SORT1: variants seen among roughly 807,000 people sequenced by gnomAD.
The protein encoded by SORT1 is sortilin 1.
Under a neutral mutation model 101.7 loss-of-function variants are expected in SORT1, and 39 were observed. The observed-to-expected ratio is 0.38, with a 90% confidence interval of 0.30 to 0.50. The LOEUF is 0.50. Among genes scored for constraint, SORT1 ranks in the 20% least tolerant of loss-of-function variants. The pLI is 0.90. For synonymous variants in SORT1, 396 were observed against 393.7 expected (o/e 1.01, Z -0.07); for missense variants, 878 against 1,040.4 (o/e 0.84, Z 2.15).
chr1:109,372,913 A>G (rs75525430), intron 1 of SORT1, among the ~76,000 whole-genome samples: 1 of 150,922 alleles, frequency 6.6e-6, no homozygotes, highest in Non-Finnish European at 1.5e-5. Context: ...AAAAAAAAAA[A>G]AGATACAAAA....
At chr1:109,372,383 G>A (rs565198505) in intron 1 of SORT1, among the ~76,000 whole-genome samples, 1 of 152,294 alleles carries the variant, frequency 6.6e-6, no homozygotes, top group Admixed American at 6.5e-5. Flanking sequence ...ACAGCATAGT[G>A]CACAGTGGGC....
chr1:109,387,038 C>A (rs543352359), intron 1 of SORT1, among the ~76,000 whole-genome samples: 46 of 152,304 alleles, frequency 3.0e-4, no homozygotes, highest in African/African-American at 1.1e-3. Context: ...TGCCTGTAAT[C>A]CCAGCACTTT....
At chr1:109,345,684 A>G (rs1166041498) in intron 8 of SORT1, 67 bp downstream of exon 8, 18 of 1,430,100 alleles carry the variant, frequency 1.3e-5, no homozygotes, top group Non-Finnish European at 1.6e-5. Context: ...GCCAAGTAAT[A>G]AAGAGAATCT....
At chr1:109,346,744 CA>C (rs1035471524) in intron 7 of SORT1, among the ~76,000 whole-genome samples, 212 of 46,778 alleles carry the variant, frequency 4.5e-3, no homozygotes, top group East Asian at 6.5e-3. Context: ...GACTCCGTCT[CA>C]AAAAAAAAAA....
chr1:109,338,203 C>A (rs536116580), intron 10 of SORT1, among the ~76,000 whole-genome samples: 1 of 152,058 alleles, frequency 6.6e-6, no homozygotes, highest in African/African-American at 2.4e-5. Context: ...ATCAGCCTTG[C>A]GGACATCTGG....
chr1:109,314,213 T>C (rs779284650), intron 19 of SORT1, 48 bp downstream of exon 19: 2 of 1,006,542 alleles, frequency 2.0e-6, no homozygotes, highest in Non-Finnish European at 2.9e-6. Flanking sequence ...TATTTTCTTG[T>C]ATTTTTTGGG....
At chr1:109,346,130 T>C (rs1169393238) in intron 7 of SORT1, among the ~76,000 whole-genome samples, 3 of 151,532 alleles carry the variant, frequency 2.0e-5, no homozygotes, top group African/African-American at 7.3e-5. Context: ...GCTAACACCA[T>C]GAAACCCCAT....
chr1:109,347,593 C>T, intron 6 of SORT1, 61 bp from the exon 7 acceptor site: 1 of 1,205,978 alleles, frequency 8.3e-7, no homozygotes, highest in East Asian at 2.3e-5. Flanking sequence ...ACTGTGTTGA[C>T]CTTACTCACA....
At chr1:109,341,013 A>G (rs1570922818) in intron 9 of SORT1, 134 bp from the exon 10 acceptor site, 1 of 653,818 alleles carries the variant, frequency 1.5e-6, no homozygotes, top group Non-Finnish European at 2.6e-6. Context: ...GAAGACTCAG[A>G]CCTGAGAATT....
Position 109,397,781 on chromosome 1 carries a change from C to A in SORT1, c.112G>T (p.Asp38Tyr). ...GGCGCAGCGGGCGGCGGCGGCGCGT[C>A]CAGCCGGTCCTGGCTGAGGGTCGAC... ...PPSTLSQDRL[D>Y]APPPPAAPLP... is the part of the protein sequence containing the mutation. Residue 38 changes from aspartate to tyrosine, a missense_variant, in exon 1 of 20, where the codon GAC becomes TAC. By Grantham distance (160) the Asp-to-Tyr change is radical (BLOSUM62 -3). Transcript: ENST00000256637. 8.1e-7 allele frequency: 1 copy of A among 1,228,748 alleles called. No homozygotes were observed. The highest frequency in any genetic ancestry group is 1.0e-6 in the Non-Finnish European group (1 of 981,434). 76.1% of individuals were successfully genotyped at this position (1,228,748 alleles called of 1,614,324 possible). A position where few individuals can be genotyped will look rare whatever the true frequency, so the allele number is the denominator to read the frequency against.
intron 1 of SORT1, among the ~76,000 whole-genome samples, chr1:109,390,564 C>T (rs928527352): frequency 6.6e-6 from 1 of 152,006 alleles, no homozygotes; most frequent in South Asian, 2.1e-4. Context: ...ATTTTGTATA[C>T]AACATATTTA....
In SORT1 at chr1:109,340,800, A is replaced by G; in HGVS notation, c.1188T>C (p.Thr396=). The change falls in exon 10 of 20, where the codon ACT becomes ACC. Residue 396 remains threonine (T), a synonymous_variant. Coordinates refer to ENST00000256637, the MANE Select transcript of SORT1 (RefSeq NM_002959.7). The part of the protein sequence containing the change: ...YSKSLDRHLY[T]TTGGETDFTN... ...TAAAGTCCGTCTCTCCGCCTGTGGT[A>G]GTGTAGAGATGTCGGTCCAAAGACT... The G allele has an allele frequency of 6.2e-7, 1 of 1,613,992 alleles. No individual in the cohort carries two copies. The highest frequency in any genetic ancestry group is 1.3e-5 in the African/African-American group (1 of 75,040).
rs528977209 is a variant in SORT1 at position 109,394,634 on chromosome 1, T to C, written c.306+2953A>G. Among the ~76,000 whole-genome samples, 18 of 152,350 alleles carry C rather than the reference T, an allele frequency of 1.2e-4. No homozygotes were observed. In the South Asian group the frequency reaches 3.7e-3, roughly 32 times the overall value. On this transcript the variant is annotated intron_variant, in intron 1 of 19. Transcript: ENST00000256637. ...TCATAAGCCACAGACACAGGTCTAGTAGTTTGCTATAACCTTCTGAGGCTT... is the reference window on the plus strand; with the variant it reads ...TCATAAGCCACAGACACAGGTCTAGCAGTTTGCTATAACCTTCTGAGGCTT...
chr1:109,369,541 C>T lies in SORT1; in HGVS notation c.355G>A (p.Asp119Asn). 2 of 1,605,410 alleles carry T rather than the reference C, an allele frequency of 1.2e-6. No individual in the cohort carries two copies. Among genetic ancestry groups the T allele is most frequent in the South Asian group, 1.1e-5 (1 of 90,880 alleles). The change falls in exon 2 of 20, where the codon GAT (aspartate) becomes AAT (asparagine). Residue 119 changes from aspartate to asparagine, a missense_variant. Transcript: ENST00000256637. ...AAAATATGACTTACCCCAGTGCTAT[C>T]TCCAACCCAGGACAAGGATACTGAG... is the stretch of plus-strand genomic sequence containing the variant. ...RGSVSLSWVG[D>N]STGVILVLTT...
chr1:109,347,127 T>C (rs1649659515), intron 7 of SORT1, among the ~76,000 whole-genome samples: 1 of 152,262 alleles, frequency 6.6e-6, no homozygotes, highest in African/African-American at 2.4e-5. Flanking sequence ...GTTTTGAAGT[T>C]GTGTCAGAGT....
intron 3 of SORT1, among the ~76,000 whole-genome samples, 165 bp from the exon 4 acceptor site, chr1:109,355,634 A>C (rs2101605774): frequency 1.2e-5 from 1 of 80,192 alleles, no homozygotes; most frequent in East Asian, 6.1e-4. Flanking sequence ...AGTCCGAAGA[A>C]CATTCCACCC....
intron 11 of SORT1, among the ~76,000 whole-genome samples, chr1:109,329,993 A>C (rs1032113605): frequency 2.0e-5 from 3 of 151,808 alleles, no homozygotes; most frequent in Non-Finnish European, 2.9e-5. Context: ...GACTGAAATC[A>C]CCTCAAGTAT....
At chr1:109,345,451 G>T (rs911595402) in intron 8 of SORT1, among the ~76,000 whole-genome samples, 9 of 151,780 alleles carry the variant, frequency 5.9e-5, no homozygotes, top group African/African-American at 2.2e-4. Context: ...GGAGGCGGAG[G>T]GTGCAGTGAG....
At chr1:109,326,405 A>G (rs915209244) in intron 13 of SORT1, among the ~76,000 whole-genome samples, 37 of 139,482 alleles carry the variant, frequency 2.7e-4, no homozygotes, top group African/African-American at 9.6e-4. Flanking sequence ...GAACGCTTCC[A>G]TAATAATTTT....
Sources: gnomAD v4.1 joint callset for allele counts (sites outside exome capture counted in the v4.1 genomes callset) on GRCh38, gnomAD v4.1.1 for gene constraint, MANE v1.5 for transcripts, NCBI Gene and HGNC (gene_info 2026-07-23, HGNC 2026-07-21) for gene names.